The following DGKH variants were observed in gnomAD, a reference collection of about 807,000 sequenced individuals.
DGKH encodes DAG kinase eta.
In DGKH, 90 loss-of-function variants were observed where a neutral mutation model predicts 159.3. The observed-to-expected ratio is 0.57, with a 90% CI of 0.48 to 0.67. The LOEUF is 0.67. DGKH is among the 30% of genes least tolerant of loss of function. The probability of loss-of-function intolerance (pLI) is 0.00; values close to 1 mark genes in which losing one functional copy is unlikely to be tolerated. For synonymous variants in DGKH, 536 were observed against 553.8 expected (o/e 0.97, Z 0.45); for missense variants, 1,181 against 1,506.1 (o/e 0.78, Z 3.57).
intron 3 of DGKH, among the ~76,000 whole-genome samples, chr13:42,150,838 G>A (rs904990351): frequency 3.3e-5 from 5 of 152,062 alleles, no homozygotes; most frequent in African/African-American, 1.2e-4. Context: ...AGAATGAGTG[G>A]CACGTTACCT....
intron 1 of DGKH, among the ~76,000 whole-genome samples, chr13:42,079,449 T>C (rs1241943039): frequency 1.3e-5 from 2 of 152,016 alleles, no homozygotes; most frequent in Non-Finnish European, 2.9e-5. Context: ...CATCATCCAT[T>C]CCCCTCCTAC....
Position 42,166,656 on chromosome 13 carries a change from A to G in DGKH, c.1100A>G (p.Asn367Ser). 6.3e-7 allele frequency: 1 copy of G among 1,598,628 alleles called. No homozygotes were observed. Among genetic ancestry groups the G allele is most frequent in the Non-Finnish European group, 8.5e-7 (1 of 1,173,556 alleles). ...CCGGCTCAGGTGTTTGATTTAATGAATGGAGGTCCTCATTTAGGGTAACTG... is the reference window on the plus strand; with the variant it reads ...CCGGCTCAGGTGTTTGATTTAATGAGTGGAGGTCCTCATTTAGGGTAACTG... The part of the protein sequence containing the change: ...LNPAQVFDLM[N>S]GGPHLGLRLF... Residue 367 changes from asparagine (N) to serine (S), a missense_variant, in exon 9 of 30, where the codon AAT (asparagine) becomes AGT (serine). Physicochemically the swap from Asn to Ser is conservative, Grantham distance 46. Coordinates refer to ENST00000337343, the MANE Select transcript of DGKH (RefSeq NM_178009.5).
intron 1 of DGKH, among the ~76,000 whole-genome samples, chr13:42,074,055 T>G (rs1013536641): frequency 2.0e-5 from 3 of 152,226 alleles, no homozygotes; most frequent in Admixed American, 6.5e-5. Flanking sequence ...ACTAGAAAAT[T>G]TACTGAGTTG....
intron 16 of DGKH, among the ~76,000 whole-genome samples, chr13:42,193,678 T>C (rs1245580931): frequency 1.3e-5 from 2 of 152,196 alleles, no homozygotes; most frequent in African/African-American, 4.8e-5. Context: ...CATCAAAAAG[T>C]TGTTTTTATG....
chr13:42,155,547 C>T, intron 4 of DGKH, 120 bp from the exon 5 acceptor site: 3 of 1,554,188 alleles, frequency 1.9e-6, no homozygotes, highest in Non-Finnish European at 2.6e-6. Flanking sequence ...AAGCAAAGTG[C>T]TTTGGTTTTA....
intron 1 of DGKH, among the ~76,000 whole-genome samples, chr13:42,076,850 C>A (rs1404856226): frequency 1.3e-5 from 2 of 151,984 alleles, no homozygotes; most frequent in African/African-American, 4.8e-5. Flanking sequence ...TGTTATAGCT[C>A]CAATTTCTGT....
intron 5 of DGKH, among the ~76,000 whole-genome samples, chr13:42,156,427 T>G (rs1956047650): frequency 6.6e-6 from 1 of 151,898 alleles, no homozygotes; most frequent in South Asian, 2.1e-4. Flanking sequence ...TTTTTAAGTT[T>G]TTTAAGTCTC....
chr13:42,119,674 TAAA>T (rs1955030219), intron 1 of DGKH, among the ~76,000 whole-genome samples: 1 of 152,242 alleles, frequency 6.6e-6, no homozygotes. Flanking sequence ...TACATTATGG[TAAA>T]AATTTTATAA....
chr13:42,103,644 C>T (rs1954692674), intron 1 of DGKH, among the ~76,000 whole-genome samples: 1 of 152,224 alleles, frequency 6.6e-6, no homozygotes, highest in South Asian at 2.1e-4. Context: ...CCACTTACCT[C>T]TGATTGGCTG....
At chr13:42,081,172 A>T (rs1019743446) in intron 1 of DGKH, among the ~76,000 whole-genome samples, 1 of 151,888 alleles carries the variant, frequency 6.6e-6, no homozygotes, top group Non-Finnish European at 1.5e-5. Flanking sequence ...ATCGTTCTTT[A>T]TTTTCATCAT....
chr13:42,135,507 A>AAAAAAAAAAAAAAAGAG (rs71096557), intron 3 of DGKH, among the ~76,000 whole-genome samples: 2 of 113,404 alleles, frequency 1.8e-5, no homozygotes, highest in South Asian at 3.4e-4. Context: ...AAAAAAAAAA[A>AAAAAAAAAAAAAAAGAG]AGAGAGAGAG....
At chr13:42,117,905 G>C (rs955362816) in intron 1 of DGKH, among the ~76,000 whole-genome samples, 3 of 152,072 alleles carry the variant, frequency 2.0e-5, no homozygotes, top group Admixed American at 1.3e-4. Context: ...CCTGAAATCT[G>C]CTGAACCCTG....
At chr13:42,202,350 A>C (rs1957368646) in intron 20 of DGKH, among the ~76,000 whole-genome samples, 1 of 152,082 alleles carries the variant, frequency 6.6e-6, no homozygotes, top group Non-Finnish European at 1.5e-5. Flanking sequence ...AGAGACCCAC[A>C]CCTTGGGAGG....
rs1484669809 is a variant in DGKH, at chr13:42,234,729, C to T, written c.*5541C>T. 6.6e-6 allele frequency: 1 copy of T among 152,172 alleles called. No individual in the cohort carries two copies. Among genetic ancestry groups the T allele is most frequent in the Non-Finnish European group, 1.5e-5 (1 of 68,032 alleles). 9.4% of individuals were successfully genotyped at this position (152,172 alleles called of 1,614,324 possible). A position where few individuals can be genotyped will look rare whatever the true frequency, so the allele number is the denominator to read the frequency against. On this transcript the variant is annotated 3_prime_UTR_variant, in exon 30 of 30. Transcript: ENST00000337343. ...ATAGAATAGCCTCCCAGAGCAGTCC[C>T]CACAGCACTTGGTTGCCATGGGTTT...
chr13:42,111,832 G>A (rs1257480359), intron 1 of DGKH, among the ~76,000 whole-genome samples: 1 of 152,214 alleles, frequency 6.6e-6, no homozygotes, highest in Admixed American at 6.5e-5. Context: ...ACAGGCTGCA[G>A]CATAACTGGC....
At chr13:42,065,399 T>C (rs963336365) in intron 1 of DGKH, among the ~76,000 whole-genome samples, 2 of 152,222 alleles carry the variant, frequency 1.3e-5, no homozygotes, top group Non-Finnish European at 2.9e-5. Flanking sequence ...CATTCATGGA[T>C]GTCACAACAA....
intron 29 of DGKH, among the ~76,000 whole-genome samples, chr13:42,225,864 C>T (rs775751413): frequency 1.3e-5 from 2 of 151,370 alleles, no homozygotes; most frequent in South Asian, 2.1e-4. Context: ...AGCTTTATTA[C>T]AGCCTATACC....
chr13:42,174,210 G>A (rs2138043762), intron 12 of DGKH, 66 bp downstream of exon 12: 1 of 1,329,128 alleles, frequency 7.5e-7, no homozygotes, highest in East Asian at 2.3e-5. Flanking sequence ...AAAAAAGAAA[G>A]AGAGAGAAAA....
intron 1 of DGKH, among the ~76,000 whole-genome samples, chr13:42,088,221 A>ATCAC (rs1954346409): frequency 6.6e-6 from 1 of 152,160 alleles, no homozygotes; most frequent in Non-Finnish European, 1.5e-5. Context: ...ACAAACAAAA[A>ATCAC]CTGTGAGAAT....
Sources: gnomAD v4.1 joint callset for allele counts (sites outside exome capture counted in the v4.1 genomes callset) on GRCh38, gnomAD v4.1.1 for gene constraint, MANE v1.5 for transcripts, NCBI Gene and HGNC (gene_info 2026-07-23, HGNC 2026-07-21) for gene names.